The following UBE2E2 variants were observed in gnomAD, a reference collection of about 807,000 sequenced individuals.
UBE2E2 encodes ubiquitin conjugating enzyme E2 E2.
A neutral mutation model predicts 24.7 loss-of-function variants in UBE2E2; 6 were observed. That is an observed-to-expected ratio of 0.24 (90% CI 0.13 to 0.48). The LOEUF (loss-of-function observed/expected upper bound fraction) is 0.48. Ranked by LOEUF, UBE2E2 falls within the 20% of genes least tolerant of loss-of-function variation. The probability of loss-of-function intolerance (pLI) is 0.99; values close to 1 mark genes in which losing one functional copy is unlikely to be tolerated. For missense variants in UBE2E2, 169 were observed against 245.0 expected (o/e 0.69, Z 2.07); for synonymous variants, 104 against 83.6 (o/e 1.24, Z -1.33).
At chr3:23,250,651 T>C (rs1697550222) in intron 3 of UBE2E2, among the ~76,000 whole-genome samples, 1 of 152,250 alleles carries the variant, frequency 6.6e-6, no homozygotes, top group South Asian at 2.1e-4. Context: ...TGTGATAAAT[T>C]ATTCAAGAAT....
At chr3:23,300,229 C>T (rs200602007) in intron 3 of UBE2E2, among the ~76,000 whole-genome samples, 4,363 of 152,074 alleles carry the variant, frequency 0.029, 107 homozygotes, top group East Asian at 0.13. Flanking sequence ...GGTCTTGACT[C>T]TTTATCCAAT....
chr3:23,572,056 G>A (rs1224242187), intron 5 of UBE2E2, among the ~76,000 whole-genome samples: 1 of 152,162 alleles, frequency 6.6e-6, no homozygotes, highest in Non-Finnish European at 1.5e-5. Context: ...TAGTATCCCT[G>A]GTTATTGATT....
At chr3:23,563,057 G>A (rs1218928254) in intron 5 of UBE2E2, among the ~76,000 whole-genome samples, 1 of 151,912 alleles carries the variant, frequency 6.6e-6, no homozygotes, top group Non-Finnish European at 1.5e-5. Context: ...GGTTTTTTGT[G>A]TCTCTATCTC....
At chr3:23,513,757 TAAAAG>T in intron 4 of UBE2E2, among the ~76,000 whole-genome samples, 1 of 152,332 alleles carries the variant, frequency 6.6e-6, no homozygotes, top group South Asian at 2.1e-4. Context: ...CTGATATAAA[TAAAAG>T]AATATTTATA....
intron 5 of UBE2E2, among the ~76,000 whole-genome samples, chr3:23,541,805 C>G (rs1695402459): frequency 6.6e-6 from 1 of 152,224 alleles, no homozygotes. Flanking sequence ...GCCTATCTGA[C>G]TATGTGCCTA....
intron 3 of UBE2E2, among the ~76,000 whole-genome samples, chr3:23,450,825 G>A (rs1355516342): frequency 6.6e-6 from 1 of 152,054 alleles, no homozygotes; most frequent in African/African-American, 2.4e-5. Context: ...AGTATAGTAT[G>A]TGCAGTGCTA....
chr3:23,290,161 A>G (rs1698724799), intron 3 of UBE2E2, among the ~76,000 whole-genome samples: 1 of 152,218 alleles, frequency 6.6e-6, no homozygotes, highest in East Asian at 1.9e-4. Context: ...CATGCAAATG[A>G]TGTGTTTACC....
chr3:23,561,230 T>C (rs1357247936), intron 5 of UBE2E2, among the ~76,000 whole-genome samples: 1 of 152,200 alleles, frequency 6.6e-6, no homozygotes, highest in East Asian at 1.9e-4. Flanking sequence ...CTTTAATCCA[T>C]CTTGAATTAA....
At chr3:23,365,608 C>T in intron 3 of UBE2E2, among the ~76,000 whole-genome samples, 1 of 152,004 alleles carries the variant, frequency 6.6e-6, no homozygotes, top group Non-Finnish European at 1.5e-5. Context: ...TGCCCAAAGA[C>T]ATCATAGGTG....
chr3:23,228,500 T>G (rs1292362916), intron 3 of UBE2E2, among the ~76,000 whole-genome samples: 3 of 152,210 alleles, frequency 2.0e-5, no homozygotes, highest in Non-Finnish European at 2.9e-5. Context: ...ATCCTGAAAC[T>G]GTATTCTTTC....
At position 23,208,654 on chromosome 3, in the gene UBE2E2, G is replaced by T. The variant is rs748565961; in HGVS notation, c.-8-38G>T. 1.9e-6 allele frequency: 3 copies of T among 1,539,432 alleles called. No individual in the cohort carries two copies. The East Asian group carries it at 6.9e-5, about 35-fold the overall frequency. ...TGTGTTCTGGAGGTAGCTTACTGTA[G>T]TACAGCTAAATAAATGATTTTTGAT... is the stretch of plus-strand genomic sequence containing the variant. On this transcript the variant is annotated intron_variant, in intron 1 of 5. Transcript: ENST00000396703.
At chr3:23,503,486 G>A (rs1040265979) in intron 4 of UBE2E2, among the ~76,000 whole-genome samples, 24 of 151,634 alleles carry the variant, frequency 1.6e-4, no homozygotes, top group African/African-American at 5.8e-4. Context: ...CACCACGCCC[G>A]GCCAGAAGTT....
rs1369938635 is a variant in UBE2E2, at chr3:23,357,177, T to TG, written c.227+139868dup. Among the ~76,000 whole-genome samples the TG allele has an allele frequency of 3.9e-5, 6 of 152,352 alleles. No homozygotes were observed. In the East Asian group the frequency reaches 1.2e-3, roughly 29 times the overall value. ...CAACCCTTGCATGGGCCGGAAGGAA[T>TG]GGGATATCAGAATGGATAAGTACAA... On this transcript the variant is annotated intron_variant, in intron 3 of 5. Transcript: ENST00000396703.
chr3:23,463,987 A>G (rs970571998), intron 3 of UBE2E2, among the ~76,000 whole-genome samples: 2 of 152,196 alleles, frequency 1.3e-5, no homozygotes, highest in African/African-American at 2.4e-5. Context: ...ATTGGGCTCC[A>G]TTTCAAAATA....
At chr3:23,399,861 A>G (rs1285633369) in intron 3 of UBE2E2, among the ~76,000 whole-genome samples, 1 of 152,208 alleles carries the variant, frequency 6.6e-6, no homozygotes, top group African/African-American at 2.4e-5. Flanking sequence ...GAAATGGAAG[A>G]AGAAAACAGT....
intron 3 of UBE2E2, among the ~76,000 whole-genome samples, chr3:23,431,312 G>A (rs1698054944): frequency 6.6e-6 from 1 of 152,134 alleles, no homozygotes; most frequent in African/African-American, 2.4e-5. Context: ...GATTTATTTT[G>A]TTTAATGTGA....
intron 5 of UBE2E2, among the ~76,000 whole-genome samples, chr3:23,539,294 C>A (rs879793892): frequency 3.9e-5 from 6 of 152,262 alleles, no homozygotes; most frequent in Admixed American, 3.9e-4. Context: ...TTGATAGATT[C>A]TTACTAGAAA....
chr3:23,225,267 A>G lies in UBE2E2; in HGVS notation c.227+7955A>G, dbSNP rs184556523. 1.5e-3 allele frequency among the ~76,000 whole-genome samples: 219 copies of G among 150,030 alleles called. 1 individual carries two copies. Among genetic ancestry groups the G allele is most frequent in the Non-Finnish European group, 2.1e-3 (144 of 67,498 alleles). Reference sequence around the variant, plus strand: ...ATTTTTTTTTTTTTACTTTCTTGATAATGACCTTTGAAACATAGAAGTTTT... The same window carrying G: ...ATTTTTTTTTTTTTACTTTCTTGATGATGACCTTTGAAACATAGAAGTTTT... On this transcript the variant is annotated intron_variant, in intron 3 of 5. Coordinates refer to ENST00000396703, the MANE Select transcript of UBE2E2 (RefSeq NM_152653.4).
intron 3 of UBE2E2, among the ~76,000 whole-genome samples, chr3:23,469,181 C>T (rs1698982282): frequency 6.6e-6 from 1 of 152,132 alleles, no homozygotes; most frequent in South Asian, 2.1e-4. Flanking sequence ...ATCACTGGAT[C>T]CTCTCATGGC....
Sources: allele counts gnomAD v4.1 joint callset (sites outside exome capture counted in the v4.1 genomes callset), GRCh38; gene constraint gnomAD v4.1.1; transcripts MANE v1.5; gene names NCBI Gene and HGNC (gene_info 2026-07-23, HGNC 2026-07-21).